DSCAM: variants seen among roughly 807,000 people sequenced by gnomAD.
DSCAM encodes the protein DS cell adhesion molecule, also known as cell adhesion molecule DSCAM.
DSCAM carries 47 observed loss-of-function variants against 217.7 expected under a neutral mutation model. The ratio of observed to expected loss-of-function variants is 0.22; its 90% CI spans 0.17 to 0.28. The LOEUF is 0.28. DSCAM is among the 10% of genes least tolerant of loss of function. The probability of loss-of-function intolerance (pLI) is 1.00; values close to 1 mark genes in which losing one functional copy is unlikely to be tolerated. For synonymous variants in DSCAM, 1,056 were observed against 1,015.3 expected (o/e 1.04, Z -0.76); for missense variants, 2,080 against 2,618.3 (o/e 0.79, Z 4.49).
chr21:40,226,175 GGCCCTCAGAACCTGT>G (rs1174885214), intron 11 of DSCAM, among the ~76,000 whole-genome samples: 2 of 152,168 alleles, frequency 1.3e-5, no homozygotes, highest in Non-Finnish European at 2.9e-5. Context: ...CAGACAGTCT[GGCCCTCAGAACCTGT>G]GCTCTTGACT....
At position 40,682,665 on chromosome 21, in the gene DSCAM, AGGGG is replaced by A. The variant is rs1393182472; in HGVS notation, c.508+10141_508+10144del. Among the ~76,000 whole-genome samples, 89 of 25,764 alleles carry A rather than the reference AGGGG, an allele frequency of 3.5e-3. 12 individuals are homozygous for A. Among genetic ancestry groups the A allele is most frequent in the East Asian group, 0.019 (9 of 476 alleles). The allele number at this position is 25,764 out of a possible 152,430, so 16.9% of individuals were successfully genotyped here. A position where few individuals can be genotyped will look rare whatever the true frequency, so the allele number is the denominator to read the frequency against. Reference sequence around the variant, plus strand: ...AGAGGAAGGGAAGGGAAGGGAGCGGAGGGGGAGGGGAGGGGAGGGGAAGGGAGCG... The same window carrying A: ...AGAGGAAGGGAAGGGAAGGGAGCGGAGAGGGGAGGGGAGGGGAAGGGAGCG... On this transcript the variant is annotated intron_variant, in intron 3 of 32. Transcript: ENST00000400454.
chr21:40,361,646 CAACA>C (rs2074766949), intron 4 of DSCAM, among the ~76,000 whole-genome samples: 4 of 150,994 alleles, frequency 2.6e-5, no homozygotes, highest in African/African-American at 9.8e-5. Flanking sequence ...AAACAAACAA[CAACA>C]AAAAACAAAA....
rs577730941 is a variant in DSCAM at position 40,275,329 on chromosome 21, C to CA, written c.2356+767dup. Reference sequence around the variant, plus strand: ...TGGGCAACAGAGTGAGCCTCTGCCTCAAAAAAAAAGTGGGAGGGGAGTCTG... The same window carrying CA: ...TGGGCAACAGAGTGAGCCTCTGCCTCAAAAAAAAAAGTGGGAGGGGAGTCTG... On this transcript the variant is annotated intron_variant, in intron 11 of 32. Transcript: ENST00000400454. 4.4e-3 allele frequency among the ~76,000 whole-genome samples: 665 copies of CA among 150,092 alleles called. 1 individual carries two copies. The highest frequency in any genetic ancestry group is 7.8e-3 in the Non-Finnish European group (528 of 67,466).
intron 1 of DSCAM, among the ~76,000 whole-genome samples, chr21:40,721,809 T>C (rs999813665): frequency 6.6e-6 from 1 of 151,922 alleles, no homozygotes; most frequent in Admixed American, 6.6e-5. Flanking sequence ...ACCTCAACTA[T>C]CCATCAAATT....
intron 3 of DSCAM, among the ~76,000 whole-genome samples, chr21:40,677,893 T>G (rs1195389910): frequency 6.6e-6 from 1 of 152,142 alleles, no homozygotes; most frequent in African/African-American, 2.4e-5. Context: ...CCTCCAGAGC[T>G]CTGAGAAATA....
At chr21:40,605,291 G>C (rs751380014) in intron 3 of DSCAM, among the ~76,000 whole-genome samples, 16 of 152,230 alleles carry the variant, frequency 1.1e-4, no homozygotes, top group Admixed American at 5.9e-4. Context: ...GTGTTGACCT[G>C]TCTCTCCAGA....
At chr21:40,187,449 C>A (rs913791602) in intron 13 of DSCAM, among the ~76,000 whole-genome samples, 190 bp from the exon 14 acceptor site, 1 of 152,210 alleles carries the variant, frequency 6.6e-6, no homozygotes, top group Non-Finnish European at 1.5e-5. Context: ...CCCAAGACTT[C>A]CAATTTTCAT....
chr21:40,478,418 G>T (rs1417668443), intron 3 of DSCAM, among the ~76,000 whole-genome samples: 1 of 152,194 alleles, frequency 6.6e-6, no homozygotes, highest in East Asian at 1.9e-4. Context: ...GGTAGGCACA[G>T]AGCCAGCTTT....
At position 40,498,664 on chromosome 21, in the gene DSCAM, TACCC is replaced by T. The variant is rs1393001389; in HGVS notation, c.509-129423_509-129420del. Among the ~76,000 whole-genome samples, 41 of 87,146 alleles carry T rather than the reference TACCC, an allele frequency of 4.7e-4. 1 individual carries two copies. Among genetic ancestry groups the T allele is most frequent in the South Asian group, 1.7e-3 (4 of 2,324 alleles). The allele number at this position is 87,146 out of a possible 152,430, so 57.2% of individuals were successfully genotyped here. On this transcript the variant is annotated intron_variant, in intron 3 of 32. Transcript: ENST00000400454. ...TATATATAGTGTGTGTGTATATATA[TACCC>T]ATATATATATATATATATATATATA...
At chr21:40,122,421 CA>C (rs1019702514) in intron 20 of DSCAM, among the ~76,000 whole-genome samples, 1 of 152,156 alleles carries the variant, frequency 6.6e-6, no homozygotes, top group African/African-American at 2.4e-5. Flanking sequence ...GCAAAGAGAT[CA>C]ATGAATGAAT....
At chr21:40,440,320 G>C (rs2075619882) in intron 3 of DSCAM, among the ~76,000 whole-genome samples, 1 of 152,188 alleles carries the variant, frequency 6.6e-6, no homozygotes, top group Non-Finnish European at 1.5e-5. Flanking sequence ...GTGACACTGA[G>C]CAACACAGCC....
intron 3 of DSCAM, among the ~76,000 whole-genome samples, chr21:40,645,722 A>G (rs1404697404): frequency 6.6e-6 from 1 of 152,192 alleles, no homozygotes; most frequent in African/African-American, 2.4e-5. Context: ...TGTTTTGATG[A>G]TATTAGGTCA....
intron 20 of DSCAM, among the ~76,000 whole-genome samples, chr21:40,106,751 T>C (rs956567943): frequency 1.3e-5 from 2 of 152,232 alleles, no homozygotes; most frequent in African/African-American, 4.8e-5. Context: ...TTCTAGTTTA[T>C]GTGCATAGAG....
intron 20 of DSCAM, among the ~76,000 whole-genome samples, chr21:40,115,026 A>G (rs1723768840): frequency 6.6e-6 from 1 of 152,204 alleles, no homozygotes; most frequent in African/African-American, 2.4e-5. Flanking sequence ...GGGATCTAGA[A>G]CTAGAAATAC....
chr21:40,610,569 T>A (rs1415540217), intron 3 of DSCAM, among the ~76,000 whole-genome samples: 1 of 152,144 alleles, frequency 6.6e-6, no homozygotes, highest in Admixed American at 6.5e-5. Context: ...ATTTGGCACT[T>A]CTCCTGTGTC....
At chr21:40,607,400 ATTTTTTTT>A (rs58893055) in intron 3 of DSCAM, among the ~76,000 whole-genome samples, 2 of 121,154 alleles carry the variant, frequency 1.7e-5, no homozygotes, top group African/African-American at 3.0e-5. Context: ...TTTAATTCTG[ATTTTTTTT>A]TTTTTTTTTT....
At chr21:40,283,641 A>C (rs2073791131) in intron 10 of DSCAM, among the ~76,000 whole-genome samples, 1 of 152,172 alleles carries the variant, frequency 6.6e-6, no homozygotes. Context: ...ATAAGAGTCA[A>C]AAGGGTTAGG....
chr21:40,644,564 T>C (rs1401111545), intron 3 of DSCAM, among the ~76,000 whole-genome samples: 41 of 152,140 alleles, frequency 2.7e-4, no homozygotes, highest in Admixed American at 2.7e-3. Context: ...TGATTGGTGG[T>C]GGGCCAATCT....
At chr21:40,554,560 C>T (rs2076656283) in intron 3 of DSCAM, among the ~76,000 whole-genome samples, 2 of 152,116 alleles carry the variant, frequency 1.3e-5, no homozygotes, top group Middle Eastern at 6.8e-3. Context: ...GAATATAGTA[C>T]TGAGTAAAGA....
Sources: allele counts gnomAD v4.1 joint callset (sites outside exome capture counted in the v4.1 genomes callset), GRCh38; gene constraint gnomAD v4.1.1; transcripts MANE v1.5; gene names NCBI Gene and HGNC (gene_info 2026-07-23, HGNC 2026-07-21).